CELF2: variants seen among roughly 807,000 people sequenced by gnomAD.
CELF2 encodes CUGBP Elav-like family member 2, also known as CUG triplet repeat RNA-binding protein 2.
CELF2 carries 8 observed loss-of-function variants against 62.6 expected under a neutral mutation model. The ratio of observed to expected loss-of-function variants is 0.13; its 90% confidence interval spans 0.07 to 0.23. The LOEUF (loss-of-function observed/expected upper bound fraction) is 0.23, where lower values mean the gene tolerates loss of function less well. CELF2 is among the 10% of genes least tolerant of loss of function. The pLI is 1.00. For missense variants in CELF2, 333 were observed against 671.0 expected (o/e 0.50, Z 5.56); for synonymous variants, 258 against 250.0 (o/e 1.03, Z -0.30).
intron 1 of CELF2, among the ~76,000 whole-genome samples, chr10:11,121,888 G>A (rs7894817): frequency 0.15 from 22,148 of 152,146 alleles, 1,655 homozygotes; most frequent in African/African-American, 0.19. Context: ...TAGAGACGAT[G>A]TACATTTAAC....
the CELF2 span, among the ~76,000 whole-genome samples, chr10:10,668,017 T>G: frequency 6.6e-6 from 1 of 152,084 alleles, no homozygotes; most frequent in South Asian, 2.1e-4. Context: ...TCTCTACCAT[T>G]AAAGAGTATG....
At position 11,046,392 on chromosome 10, in the gene CELF2, G is replaced by A. The variant is rs1593954776; in HGVS notation, c.74+28229G>A. Among the ~76,000 whole-genome samples the A allele has an allele frequency of 6.6e-6, 1 of 152,220 alleles. No homozygotes were observed. Among genetic ancestry groups the A allele is most frequent in the African/African-American group, 2.4e-5 (1 of 41,466 alleles). On this transcript the variant is annotated intron_variant, in intron 1 of 12. Coordinates refer to ENST00000633077, the MANE Select transcript of CELF2 (RefSeq NM_001326342.2). This position sits in a 1 kb window ranked among gnomAD's most constrained non-coding sequence, Gnocchi z 4.6. ...CCTAGACGACTTGGCCCAGAGTTGG[G>A]CACAGAGTATGCCCTCAATAAGTAC...
At chr10:10,913,206 G>GTTTC (rs2063966785) in intron 1 of CELF2, among the ~76,000 whole-genome samples, 1 of 152,042 alleles carries the variant, frequency 6.6e-6, no homozygotes, top group Non-Finnish European at 1.5e-5. Flanking sequence ...ACATAGTGAT[G>GTTTC]AATGACCAGA....
rs2056596598 is a variant in CELF2 at position 11,012,317 on chromosome 10, A to G, written c.53+6877A>G. Among the ~76,000 whole-genome samples the G allele has an allele frequency of 6.6e-6, 1 of 152,224 alleles. No homozygotes were observed. Among genetic ancestry groups the G allele is most frequent in the South Asian group, 2.1e-4 (1 of 4,832 alleles). On this transcript the variant is annotated intron_variant, in intron 1 of 12. Coordinates refer to the CELF2 transcript ENST00000416382. The surrounding 1 kb of genome is among the most constrained non-coding windows in gnomAD (Gnocchi z 5.5). ...GAGGGATCAGTTACCATAGTGAGTC[A>G]AGTAGATTCATTTGCTTTATTTTAA...
chr10:10,634,294 G>T, the CELF2 span, among the ~76,000 whole-genome samples: 4 of 151,482 alleles, frequency 2.6e-5, no homozygotes, highest in Non-Finnish European at 5.9e-5. Context: ...TTTTTCCTAG[G>T]TATATTCTAA....
At chr10:11,002,751 C>T (rs896678498), upstream of CELF2, among the ~76,000 whole-genome samples, 2 of 152,140 alleles carry the variant, frequency 1.3e-5, no homozygotes, top group Non-Finnish European at 2.9e-5. This position sits in a 1 kb window ranked among gnomAD's most constrained non-coding sequence, Gnocchi z 4.4. Flanking sequence ...AAAGGAATAT[C>T]TCAGTGTAGT....
At chr10:10,503,218 T>C in the CELF2 span, among the ~76,000 whole-genome samples, 7 of 152,142 alleles carry the variant, frequency 4.6e-5, no homozygotes, top group African/African-American at 7.2e-5. Flanking sequence ...GAGTGGGATA[T>C]TCTATAAATA....
the CELF2 span, among the ~76,000 whole-genome samples, chr10:10,574,765 A>C: frequency 6.6e-6 from 1 of 151,900 alleles, no homozygotes; most frequent in Middle Eastern, 3.2e-3. Flanking sequence ...GCTGGAGTGC[A>C]GTGGCATGAT....
At chr10:10,553,184 G>C in the CELF2 span, among the ~76,000 whole-genome samples, 22 of 152,322 alleles carry the variant, frequency 1.4e-4, no homozygotes, top group Middle Eastern at 0.017. Flanking sequence ...TGACAGGCAA[G>C]AGAGCTTGGT....
chr10:10,464,835 AT>A, the CELF2 span, among the ~76,000 whole-genome samples: 1 of 152,200 alleles, frequency 6.6e-6, no homozygotes, highest in Non-Finnish European at 1.5e-5. Context: ...TGTTAGTTAG[AT>A]TTTACCCTAT....
the CELF2 span, among the ~76,000 whole-genome samples, chr10:10,491,605 C>T: frequency 6.6e-6 from 1 of 152,208 alleles, no homozygotes; most frequent in Admixed American, 6.5e-5. Flanking sequence ...TTCTTACTTT[C>T]ATGATGGAGC....
At chr10:11,061,578 G>T (rs749337878) in intron 1 of CELF2, among the ~76,000 whole-genome samples, 37 of 152,246 alleles carry the variant, frequency 2.4e-4, no homozygotes, top group Non-Finnish European at 3.8e-4. Flanking sequence ...ATGCCATCTA[G>T]AAGTTTCGTA....
chr10:11,220,493 A>G lies in CELF2; in HGVS notation c.354+2986A>G, dbSNP rs889075999. On this transcript the variant is annotated intron_variant, in intron 3 of 12. Coordinates refer to ENST00000633077, the MANE Select transcript of CELF2 (RefSeq NM_001326342.2). The surrounding 1 kb of genome is among the most constrained non-coding windows in gnomAD (Gnocchi z 4.4). ...TTTACATGTCAGGAATGAATTTTAGAAACCCTTTACATGGGGCTGGAGAAA... is the reference window on the plus strand; with the variant it reads ...TTTACATGTCAGGAATGAATTTTAGGAACCCTTTACATGGGGCTGGAGAAA... 6.6e-6 allele frequency among the ~76,000 whole-genome samples: 1 copy of G among 152,224 alleles called. No individual in the cohort carries two copies. The highest frequency in any genetic ancestry group is 1.5e-5 in the Non-Finnish European group (1 of 68,028).
At chr10:11,107,158 T>C (rs1162078626) in intron 1 of CELF2, among the ~76,000 whole-genome samples, 1 of 152,170 alleles carries the variant, frequency 6.6e-6, no homozygotes, top group Non-Finnish European at 1.5e-5. Flanking sequence ...CACCCAGCAA[T>C]AAGTGATTGG....
the CELF2 span, among the ~76,000 whole-genome samples, chr10:10,534,554 A>C: frequency 6.6e-6 from 1 of 152,212 alleles, no homozygotes; most frequent in Non-Finnish European, 1.5e-5. Context: ...AGATACAGAT[A>C]AATCTTATGA....
At chr10:11,147,168 G>A (rs913472910) in intron 1 of CELF2, among the ~76,000 whole-genome samples, 2 of 152,136 alleles carry the variant, frequency 1.3e-5, no homozygotes, top group Non-Finnish European at 2.9e-5. Flanking sequence ...CAGTGAAGGT[G>A]ACTATAGGAA....
chr10:11,256,837 C>A (rs2078926625), intron 4 of CELF2, among the ~76,000 whole-genome samples: 1 of 151,982 alleles, frequency 6.6e-6, no homozygotes, highest in Non-Finnish European at 1.5e-5. Context: ...TCTTATCTTC[C>A]CCAATGTCAG....
intron 1 of CELF2, among the ~76,000 whole-genome samples, chr10:11,138,406 A>G (rs2060779575): frequency 6.6e-6 from 1 of 152,180 alleles, no homozygotes; most frequent in Non-Finnish European, 1.5e-5. Context: ...CGGTTGCAGC[A>G]CAGAGAGCTT....
Position 11,314,251 on chromosome 10 carries a change from A to T in CELF2, c.1089A>T (p.Ala363=). ...CTGTTGGACTGAATAATATTAATGC[A>T]CTAGCAGGTACCATCAACAGTGAGT... The part of the protein sequence containing the change: ...GATVGLNNIN[A]LAVAQMLSGM... Residue 363 remains alanine (A), a synonymous_variant, in exon 10 of 13, where the codon GCA becomes GCT. Transcript: ENST00000633077. The surrounding 1 kb of genome is among the most constrained non-coding windows in gnomAD (Gnocchi z 5.3). 1 of 1,614,182 alleles carries T rather than the reference A, an allele frequency of 6.2e-7. No homozygotes were observed. Among genetic ancestry groups the T allele is most frequent in the South Asian group, 1.1e-5 (1 of 91,078 alleles).
Sources: gnomAD v4.1 joint callset for allele counts (sites outside exome capture counted in the v4.1 genomes callset) on GRCh38, gnomAD v4.1.1 for gene constraint, Gnocchi (gnomAD v3.1) non-coding constraint, MANE v1.5 for transcripts, NCBI Gene and HGNC (gene_info 2026-07-23, HGNC 2026-07-21) for gene names.